The following CPT1C variants were observed in gnomAD, a reference collection of about 807,000 sequenced individuals.
CPT1C encodes the protein carnitine palmitoyltransferase 1C.
Under a neutral mutation model 97.3 loss-of-function variants are expected in CPT1C, and 61 were observed. The ratio of observed to expected loss-of-function variants is 0.63; its 90% CI spans 0.51 to 0.78. The LOEUF (loss-of-function observed/expected upper bound fraction) is 0.78. Ranked by LOEUF, CPT1C falls within the 30% of genes least tolerant of loss-of-function variation. The pLI is 0.00. For synonymous variants in CPT1C, 469 were observed against 447.2 expected, an observed-to-expected ratio of 1.05 and a Z score of -0.61; for missense variants, 975 against 1,065.5, an observed-to-expected ratio of 0.92 and a Z score of 1.18.
Position 49,692,252 on chromosome 19 carries a change from C to T in CPT1C, c.-1C>T. 2 of 1,613,694 alleles carry T rather than the reference C, an allele frequency of 1.2e-6. No individual in the cohort carries two copies. The highest frequency in any genetic ancestry group is 1.7e-6 in the Non-Finnish European group (2 of 1,179,980). On this transcript the variant is annotated 5_prime_UTR_variant, in exon 3 of 20. Transcript: ENST00000598293. ...TGCCCGACTCAGGGCTCCAGCGTGA[C>T]ATGGCTGAAGCGCACCAGGCCGTGG...
At chr19:49,712,075 G>A (rs2083919196) in intron 17 of CPT1C, 114 bp downstream of exon 17, 8 of 1,289,552 alleles carry the variant, frequency 6.2e-6, no homozygotes, top group Non-Finnish European at 8.4e-6. Flanking sequence ...GGGCACGGTG[G>A]CTCACGCCTG....
rs1458721036 is a variant in CPT1C, at chr19:49,702,017, T to TAAA, written c.693+383_693+384insAAA. ...ATTATAAATATATTAAATATATTTA[T>TAAA]TTATAAATTATAAATATATATTTAT... On this transcript the variant is annotated intron_variant, in intron 7 of 19. Transcript: ENST00000598293. Among the ~76,000 whole-genome samples, 4 of 44,682 alleles carry TAAA rather than the reference T, an allele frequency of 9.0e-5. 1 individual carries two copies. Among genetic ancestry groups the TAAA allele is most frequent in the Admixed American group, 4.3e-4 (1 of 2,302 alleles). 29.3% of individuals were successfully genotyped at this position (44,682 alleles called of 152,430 possible). A position where few individuals can be genotyped will look rare whatever the true frequency, so the allele number is the denominator to read the frequency against.
intron 19 of CPT1C, 38 bp from the exon 20 acceptor site, chr19:49,713,382 T>A (rs1400285077): frequency 6.4e-7 from 1 of 1,564,616 alleles, no homozygotes. Context: ...GGATCCCATC[T>A]CCCAGCTTCC....
chr19:49,712,426 G>A, intron 17 of CPT1C: 1 of 404,848 alleles, frequency 2.5e-6, no homozygotes. Flanking sequence ...CAAGGCAGAA[G>A]GCGGAGAGGC....
At chr19:49,699,273 G>A (rs1439015983) in intron 4 of CPT1C, among the ~76,000 whole-genome samples, 1 of 151,448 alleles carries the variant, frequency 6.6e-6, no homozygotes, top group Non-Finnish European at 1.5e-5. Context: ...CTCCCGGGGA[G>A]GAAGGTCCAC....
intron 14 of CPT1C, among the ~76,000 whole-genome samples, chr19:49,709,519 A>G (rs1453915837): frequency 2.0e-5 from 3 of 149,484 alleles, no homozygotes; most frequent in Non-Finnish European, 3.0e-5. Context: ...CCCAACCCCA[A>G]TCTTGTTCCA....
chr19:49,701,955 T>TATATA (rs1402046573), intron 7 of CPT1C, among the ~76,000 whole-genome samples: 4 of 88,454 alleles, frequency 4.5e-5, no homozygotes, highest in Admixed American at 3.9e-4. Context: ...TATATATAAA[T>TATATA]ATATTTATAT....
At position 49,706,271 on chromosome 19, in the gene CPT1C, G is replaced by A; in HGVS notation, c.1201G>A (p.Ala401Thr). ...AQVRTSLKTQ[A>T]AEALEAVEGA... The stretch of plus-strand genomic sequence containing the variant: ...GGTGCGGACATCCCTGAAGACCCAG[G>A]CAGCGGAGGCCCTGGAGGCGGTGGA... Residue 401 changes from alanine to threonine, a missense_variant, in exon 12 of 20, where the codon GCA (alanine) becomes ACA (threonine). By Grantham distance (58) the Ala-to-Thr change is moderately conservative. Transcript: ENST00000598293. The surrounding 1 kb of genome is among the most constrained non-coding windows in gnomAD (Gnocchi z 4.8). 1 of 1,539,900 alleles carries A rather than the reference G, an allele frequency of 6.5e-7. No individual in the cohort carries two copies.
chr19:49,690,692 C>G, upstream of CPT1C: 1 of 523,958 alleles, frequency 1.9e-6, no homozygotes. The surrounding 1 kb of genome is among the most constrained non-coding windows in gnomAD (Gnocchi z 4.4). Flanking sequence ...TACCTTGAAT[C>G]CAACCCGCTG....
intron 12 of CPT1C, 96 bp from the exon 13 acceptor site, chr19:49,707,422 C>T: frequency 1.2e-6 from 1 of 841,626 alleles, no homozygotes; most frequent in Non-Finnish European, 2.0e-6. Context: ...ATTCCCACAT[C>T]TTCCCATCTA....
chr19:49,707,329 C>A (rs2083560454), intron 12 of CPT1C, among the ~76,000 whole-genome samples, 189 bp from the exon 13 acceptor site: 1 of 152,092 alleles, frequency 6.6e-6, no homozygotes, highest in Admixed American at 6.6e-5. Flanking sequence ...AACTCTAAAT[C>A]CCAGACATGT....
chr19:49,701,192 G>A, intron 5 of CPT1C, 125 bp from the exon 6 acceptor site: 2 of 750,550 alleles, frequency 2.7e-6, no homozygotes, highest in South Asian at 1.8e-5. Flanking sequence ...TTCTCTCTTG[G>A]GGTCTCCGAT....
At chr19:49,701,164 C>A (rs928941416) in intron 5 of CPT1C, among the ~76,000 whole-genome samples, 153 bp from the exon 6 acceptor site, 1 of 147,432 alleles carries the variant, frequency 6.8e-6, no homozygotes, top group Non-Finnish European at 1.5e-5. Flanking sequence ...TGTCCCCTGT[C>A]TCTGGGTCTC....
chr19:49,703,207 C>G (rs920779467), intron 7 of CPT1C, among the ~76,000 whole-genome samples: 1 of 145,048 alleles, frequency 6.9e-6, no homozygotes, highest in East Asian at 2.2e-4. Flanking sequence ...TTTTCTGTCT[C>G]CTTCCTTCCT....
At chr19:49,705,866 T>C in intron 10 of CPT1C, 43 bp from the exon 11 acceptor site, 2 of 1,554,646 alleles carry the variant, frequency 1.3e-6, no homozygotes, top group Non-Finnish European at 1.8e-6. Flanking sequence ...TTTTTATGTG[T>C]CTGGCCTTCC....
chr19:49,712,157 A>C, intron 17 of CPT1C, 196 bp downstream of exon 17: 1 of 611,416 alleles, frequency 1.6e-6, no homozygotes, highest in South Asian at 2.1e-5. Context: ...AGCCTGGCCA[A>C]CTTGGCGAAA....
intron 3 of CPT1C, among the ~76,000 whole-genome samples, chr19:49,695,602 T>A (rs78825133): frequency 6.7e-6 from 1 of 148,870 alleles, no homozygotes; most frequent in East Asian, 2.0e-4. Flanking sequence ...TTTTTTTTTT[T>A]TTTGACATGG....
chr19:49,713,043 C>CA lies in CPT1C; in HGVS notation c.2211dup (p.Ser738IlefsTer15). 6.2e-7 allele frequency: 1 copy of CA among 1,613,950 alleles called. No homozygotes were observed. Among genetic ancestry groups the CA allele is most frequent in the East Asian group, 2.2e-5 (1 of 44,872 alleles). On this transcript the variant is annotated frameshift_variant, in exon 19 of 20. Transcript: ENST00000598293. LOFTEE classifies it low-confidence loss of function (END_TRUNC). ...GCATGATCACCTTCCACATCTCCAG[C>CA]AAAAAATCAAGCACAAAAACGGTGA... is the stretch of plus-strand genomic sequence containing the variant.
At chr19:49,692,092 C>T (rs1599975145) in intron 2 of CPT1C, 147 bp from the exon 3 acceptor site, 1 of 675,736 alleles carries the variant, frequency 1.5e-6, no homozygotes, top group East Asian at 3.1e-5. Context: ...GGAGGAGGGG[C>T]TGGGGGCCTG....
Sources: gnomAD v4.1 joint callset for allele counts (sites outside exome capture counted in the v4.1 genomes callset) on GRCh38, gnomAD v4.1.1 for gene constraint, Gnocchi (gnomAD v3.1) non-coding constraint, MANE v1.5 for transcripts, NCBI Gene and HGNC (gene_info 2026-07-23, HGNC 2026-07-21) for gene names.